Variants in PLEKHG2 observed in about 807,000 individuals in gnomAD.
The protein encoded by PLEKHG2 is pleckstrin homology domain-containing family G member 2.
A neutral mutation model predicts 104.4 loss-of-function variants in PLEKHG2; 71 were observed. That is an observed-to-expected ratio of 0.68 (90% CI 0.56 to 0.83). PLEKHG2 has a LOEUF of 0.83. Ranked by LOEUF, PLEKHG2 falls within the 40% of genes least tolerant of loss-of-function variation. The pLI is 0.00. For missense variants in PLEKHG2, 1,730 were observed against 1,809.4 expected (o/e 0.96, Z 0.80); for synonymous variants, 728 against 737.0 (o/e 0.99, Z 0.20).
At chr19:39,420,390 T>A (rs1209800852) in intron 11 of PLEKHG2, among the ~76,000 whole-genome samples, 1 of 150,568 alleles carries the variant, frequency 6.6e-6, no homozygotes, top group Non-Finnish European at 1.5e-5. Context: ...CTGGATGTGA[T>A]GGTGCACATA....
chr19:39,423,374 T>C lies in PLEKHG2; in HGVS notation c.2320T>C (p.Leu774=). The C allele has an allele frequency of 3.1e-6, 5 of 1,612,948 alleles. No individual in the cohort carries two copies. The highest frequency in any genetic ancestry group is 4.2e-6 in the Non-Finnish European group (5 of 1,179,396). ...CSEIRSAWQA[L]EQGQLARPGF... ...AGAAATCCGGAGCGCCTGGCAGGCA[T>C]TGGAACAGGGACAGCTGGCCCGGCC... Residue 774 remains leucine (L), a synonymous_variant, in exon 18 of 19, where the codon TTG becomes CTG. Coordinates refer to ENST00000425673, the MANE Select transcript of PLEKHG2 (RefSeq NM_022835.3).
intron 9 of PLEKHG2, 76 bp from the exon 10 acceptor site, chr19:39,418,658 T>A: frequency 8.2e-7 from 1 of 1,219,720 alleles, no homozygotes; most frequent in South Asian, 1.3e-5. Flanking sequence ...CAGATACACC[T>A]CCAAGGGTGT....
Position 39,424,469 on chromosome 19 carries a change from G to C in PLEKHG2, c.3336G>C (p.Leu1112Phe). 1.2e-6 allele frequency: 2 copies of C among 1,613,994 alleles called. No homozygotes were observed. The highest frequency in any genetic ancestry group is 1.7e-6 in the Non-Finnish European group (2 of 1,180,026). ...TTCAGATTCCAGGTACCTCACCTTTGCCTGCACATGGAAGCCACCTGGACC... is the reference window on the plus strand; with the variant it reads ...TTCAGATTCCAGGTACCTCACCTTTCCCTGCACATGGAAGCCACCTGGACC... ...PDLQIPGTSPLPAHGSHLDHR... is the reference protein window; with the variant it reads ...PDLQIPGTSPFPAHGSHLDHR... The change falls in exon 19 of 19, where the codon TTG becomes TTC. Residue 1112 changes from leucine (L) to phenylalanine (F), a missense_variant. Physicochemically the swap from Leu to Phe is conservative, Grantham distance 22 (BLOSUM62 0). Coordinates refer to ENST00000425673, the MANE Select transcript of PLEKHG2 (RefSeq NM_022835.3).
chr19:39,423,287 C>T lies in PLEKHG2; in HGVS notation c.2233C>T (p.Gln745Ter). The T allele has an allele frequency of 6.2e-7, 1 of 1,614,076 alleles. No homozygotes were observed. Among genetic ancestry groups the T allele is most frequent in the Non-Finnish European group, 8.5e-7 (1 of 1,179,894 alleles). Residue 745 changes from glutamine to a stop codon, truncating the protein, a stop_gained, in exon 18 of 19, where the codon CAG becomes TAG. Transcript: ENST00000425673. LOFTEE classifies it high-confidence loss of function. ...DEEGVSFTDF[Q>*]PQDVTQHQGF... ...AGAAGGGGTATCATTCACAGACTTCCAGCCCCAGGATGTCACCCAACATCA... is the reference window on the plus strand; with the variant it reads ...AGAAGGGGTATCATTCACAGACTTCTAGCCCCAGGATGTCACCCAACATCA...
chr19:39,418,273 C>T (rs1032279254), intron 9 of PLEKHG2, among the ~76,000 whole-genome samples, 168 bp downstream of exon 9: 4 of 151,936 alleles, frequency 2.6e-5, no homozygotes, highest in African/African-American at 4.8e-5. Context: ...TGAGAGCTGC[C>T]CCACTTAAGA....
intron 16 of PLEKHG2, 72 bp from the exon 17 acceptor site, chr19:39,422,043 A>G: frequency 1.4e-6 from 2 of 1,450,470 alleles, no homozygotes; most frequent in South Asian, 2.8e-5. Context: ...AAAGAAGGGG[A>G]TTGGGACTTG....
intron 16 of PLEKHG2, 51 bp downstream of exon 16, chr19:39,421,350 T>C (rs375454894): frequency 2.8e-5 from 44 of 1,585,922 alleles, no homozygotes; most frequent in Non-Finnish European, 3.1e-5. Flanking sequence ...CTGGGTCTGA[T>C]GGAGAAGGGA....
intron 13 of PLEKHG2, 25 bp from the exon 14 acceptor site, chr19:39,420,924 A>C (rs751404849): frequency 6.2e-7 from 1 of 1,613,996 alleles, no homozygotes. Context: ...GGGCTCACAC[A>C]GGGCTCTGGC....
intron 9 of PLEKHG2, 132 bp from the exon 10 acceptor site, chr19:39,418,602 C>A: frequency 1.5e-6 from 1 of 652,078 alleles, no homozygotes; most frequent in Non-Finnish European, 2.6e-6. Flanking sequence ...GGAGAGGAAA[C>A]CCACCATACA....
chr19:39,418,755 G>A lies in PLEKHG2; in HGVS notation c.1105G>A (p.Glu369Lys), dbSNP rs2145994216. 2 of 1,613,074 alleles carry A rather than the reference G, an allele frequency of 1.2e-6. No homozygotes were observed. The highest frequency in any genetic ancestry group is 1.7e-6 in the Non-Finnish European group (2 of 1,179,270). The change falls in exon 10 of 19, where the codon GAG becomes AAG. Residue 369 changes from glutamate to lysine, a missense_variant. Physicochemically the swap from Glu to Lys is moderately conservative, Grantham distance 56 (BLOSUM62 1). Transcript: ENST00000425673. Reference sequence around the variant, plus strand: ...CCAGTGCTGCAACCTGAGCGTGAGCGAGAGTCCCCGAGACCCTCTAGGGTT... The same window carrying A: ...CCAGTGCTGCAACCTGAGCGTGAGCAAGAGTCCCCGAGACCCTCTAGGGTT... ...HIFCCNLSVS[E>K]SPRDPLGFKV...
intron 7 of PLEKHG2, among the ~76,000 whole-genome samples, chr19:39,417,270 A>G (rs2078621361): frequency 6.6e-6 from 1 of 151,956 alleles, no homozygotes; most frequent in African/African-American, 2.4e-5. Flanking sequence ...CTCCTTGCTC[A>G]GCCTCCTGAG....
At chr19:39,417,215 C>T (rs555803584) in intron 7 of PLEKHG2, among the ~76,000 whole-genome samples, 12 of 150,508 alleles carry the variant, frequency 8.0e-5, no homozygotes, top group African/African-American at 2.9e-4. Context: ...TACAGTGGTG[C>T]GATCTTGGCT....
rs770826042 is a variant in PLEKHG2 at position 39,424,974 on chromosome 19, C to T, written c.3841C>T (p.Leu1281=). 6.2e-7 allele frequency: 1 copy of T among 1,613,892 alleles called. No homozygotes were observed. The highest frequency in any genetic ancestry group is 8.5e-7 in the Non-Finnish European group (1 of 1,179,878). The change falls in exon 19 of 19, where the codon CTG becomes TTG. Residue 1281 remains leucine, a synonymous_variant. Coordinates refer to ENST00000425673, the MANE Select transcript of PLEKHG2 (RefSeq NM_022835.3). ...CAATGCAGCTGCCCTCTCCAGATAC[C>T]TGGCAGCCTCATATATCAGCCAGAG... ...GPNAAALSRY[L]AASYISQSLA...
Position 39,420,206 on chromosome 19 carries a change from A to G in PLEKHG2, c.1264-420A>G, listed in dbSNP as rs150466272. Reference sequence around the variant, plus strand: ...GAAACCCCGTCTCTACTAAAAACACAAAAATTACCGGGTGTGGTAGCGGGC... The same window carrying G: ...GAAACCCCGTCTCTACTAAAAACACGAAAATTACCGGGTGTGGTAGCGGGC... On this transcript the variant is annotated intron_variant, in intron 11 of 18. Coordinates refer to ENST00000425673, the MANE Select transcript of PLEKHG2 (RefSeq NM_022835.3). 2.4e-3 allele frequency among the ~76,000 whole-genome samples: 360 copies of G among 152,028 alleles called. 2 individuals carry two copies. Among genetic ancestry groups the G allele is most frequent in the African/African-American group, 8.0e-3 (333 of 41,432 alleles).
rs1296048885 is a variant in PLEKHG2 at position 39,424,483 on chromosome 19, G to A, written c.3350G>A (p.Ser1117Asn). 3 of 1,613,976 alleles carry A rather than the reference G, an allele frequency of 1.9e-6. No individual in the cohort carries two copies. Among genetic ancestry groups the A allele is most frequent in the Non-Finnish European group, 8.5e-7 (1 of 1,180,028 alleles). Residue 1117 changes from serine (S) to asparagine (N), a missense_variant, in exon 19 of 19, where the codon AGC becomes AAC. Physicochemically the swap from Ser to Asn is conservative, Grantham distance 46 (BLOSUM62 1). Coordinates refer to ENST00000425673, the MANE Select transcript of PLEKHG2 (RefSeq NM_022835.3). ...ACCTCACCTTTGCCTGCACATGGAA[G>A]CCACCTGGACCATCGGATCCCAGCC... ...PGTSPLPAHG[S>N]HLDHRIPANA... is the part of the protein sequence containing the mutation.
At chr19:39,420,701 A>T in intron 12 of PLEKHG2, 42 bp downstream of exon 12, 1 of 1,614,044 alleles carries the variant, frequency 6.2e-7, no homozygotes, top group Non-Finnish European at 8.5e-7. Flanking sequence ...GAAGTAGACG[A>T]ATTACTTCCA....
chr19:39,416,049 G>A lies in PLEKHG2; in HGVS notation c.480-299G>A, dbSNP rs1318738540. Among the ~76,000 whole-genome samples, 2 of 152,084 alleles carry A rather than the reference G, an allele frequency of 1.3e-5. No homozygotes were observed. The highest frequency in any genetic ancestry group is 2.9e-5 in the Non-Finnish European group (2 of 68,014). ...TTGACGAGGTCTCGGGATTACAGCAGGAACTTAAGATCATCCTAGCTCTTT... is the reference window on the plus strand; with the variant it reads ...TTGACGAGGTCTCGGGATTACAGCAAGAACTTAAGATCATCCTAGCTCTTT... On this transcript the variant is annotated intron_variant, in intron 4 of 18. Coordinates refer to ENST00000425673, the MANE Select transcript of PLEKHG2 (RefSeq NM_022835.3). The surrounding 1 kb of genome is among the most constrained non-coding windows in gnomAD (Gnocchi z 4.5).
In PLEKHG2 at chr19:39,423,027, G is replaced by A. The variant is rs765286328; in HGVS notation, c.1973G>A (p.Ser658Asn). Reference protein sequence around the residue: ...CEIPEGSRLPSLSDISDVFEM... With the variant: ...CEIPEGSRLPNLSDISDVFEM... ...ATTCCCGAAGGTTCTCGCCTTCCTA[G>A]TCTCTCTGACATTTCCGATGTTTTT... Residue 658 changes from serine (S) to asparagine (N), a missense_variant, in exon 18 of 19, where the codon AGT becomes AAT. Transcript: ENST00000425673. The A allele has an allele frequency of 6.2e-7, 1 of 1,614,100 alleles. No homozygotes were observed. Among genetic ancestry groups the A allele is most frequent in the Non-Finnish European group, 8.5e-7 (1 of 1,180,012 alleles).
intron 16 of PLEKHG2, 106 bp downstream of exon 16, chr19:39,421,405 GC>G: frequency 8.1e-7 from 1 of 1,234,450 alleles, no homozygotes; most frequent in Non-Finnish European, 1.2e-6. Flanking sequence ...GGGGATTGGG[GC>G]CAGACAGAGT....
Sources: gnomAD v4.1 joint callset for allele counts (sites outside exome capture counted in the v4.1 genomes callset) on GRCh38, gnomAD v4.1.1 for gene constraint, Gnocchi (gnomAD v3.1) non-coding constraint, MANE v1.5 for transcripts, NCBI Gene and HGNC (gene_info 2026-07-23, HGNC 2026-07-21) for gene names.